TLN2: variants seen among roughly 807,000 people sequenced by gnomAD.
The protein encoded by TLN2 is talin-2.
Under a neutral mutation model 294.7 loss-of-function variants are expected in TLN2, and 118 were observed. The observed-to-expected ratio is 0.40, with a 90% CI of 0.34 to 0.47. The LOEUF is 0.47. TLN2 is among the 20% of genes least tolerant of loss of function. The pLI, the probability that TLN2 is intolerant of heterozygous loss-of-function variation, is 0.84. For synonymous variants in TLN2, 1,431 were observed against 1,304.5 expected, an observed-to-expected ratio of 1.10 and a Z score of -2.09; for missense variants, 3,083 against 3,282.2, an observed-to-expected ratio of 0.94 and a Z score of 1.48.
intron 5 of TLN2, 45 bp downstream of exon 5, chr15:62,650,226 G>A (rs777342302): frequency 1.9e-6 from 3 of 1,600,038 alleles, no homozygotes; most frequent in East Asian, 2.2e-5. Context: ...CTTTGTCCCT[G>A]GGCCTTCTTC....
intron 28 of TLN2, among the ~76,000 whole-genome samples, chr15:62,729,520 C>G (rs2060606387): frequency 6.7e-6 from 1 of 149,916 alleles, no homozygotes; most frequent in Non-Finnish European, 1.5e-5. Flanking sequence ...CTTCTTTTCT[C>G]TCAGTACAGT....
rs146565364 is a variant in TLN2, at chr15:62,819,587, G to T, written c.6843G>T (p.Val2281=). The change falls in exon 53 of 59, where the codon GTG becomes GTT. Residue 2281 remains valine, a synonymous_variant. Coordinates refer to ENST00000636159, the MANE Select transcript of TLN2 (RefSeq NM_015059.3). The part of the protein sequence containing the change: ...AAFSKRVAGA[V]TELIQAAEAM... ...TCTCCAAGCGAGTCGCCGGCGCTGT[G>T]ACAGAGCTCATCCAGGCGGCGGAAG... 4,259 of 1,612,896 alleles carry T rather than the reference G, an allele frequency of 2.6e-3. 8 individuals are homozygous for T. Among genetic ancestry groups the T allele is most frequent in the Non-Finnish European group, 3.3e-3 (3,861 of 1,180,024 alleles).
intron 24 of TLN2, among the ~76,000 whole-genome samples, chr15:62,718,583 GACTGAATGC>G (rs1287154541): frequency 2.0e-4 from 31 of 152,182 alleles, no homozygotes. Flanking sequence ...TGCTGTTGTG[GACTGAATGC>G]ACTCCAGGAA....
At chr15:62,616,046 T>C (rs1197327624) in intron 2 of TLN2, among the ~76,000 whole-genome samples, 2 of 152,232 alleles carry the variant, frequency 1.3e-5, no homozygotes, top group Non-Finnish European at 2.9e-5. Context: ...TGTTTTATTT[T>C]CTTAATAAGC....
intron 43 of TLN2, among the ~76,000 whole-genome samples, 185 bp from the exon 44 acceptor site, chr15:62,780,955 A>G (rs1186621994): frequency 2.0e-5 from 3 of 152,112 alleles, no homozygotes; most frequent in Admixed American, 6.5e-5. Flanking sequence ...CTTGCCATGT[A>G]CCCTGAATGC....
chr15:62,526,384 C>T (rs377016452), intron 1 of TLN2, among the ~76,000 whole-genome samples: 10 of 152,174 alleles, frequency 6.6e-5, no homozygotes, highest in Admixed American at 3.3e-4. Flanking sequence ...AACATTGGTA[C>T]ACTTCCTCTG....
chr15:62,588,423 G>A (rs940119027), intron 1 of TLN2, among the ~76,000 whole-genome samples: 8 of 151,340 alleles, frequency 5.3e-5, no homozygotes, highest in Non-Finnish European at 8.8e-5. Flanking sequence ...ATCACCTGAG[G>A]TCAGGAGTTC....
chr15:62,667,543 A>G (rs1430070439), intron 9 of TLN2, among the ~76,000 whole-genome samples: 3 of 152,152 alleles, frequency 2.0e-5, no homozygotes, highest in African/African-American at 7.2e-5. Context: ...CGCTCTCACA[A>G]ATGAGGCGAC....
At chr15:62,471,210 G>A (rs1455268564) in intron 1 of TLN2, among the ~76,000 whole-genome samples, 2 of 152,188 alleles carry the variant, frequency 1.3e-5, no homozygotes, top group Admixed American at 1.3e-4. Context: ...GATGGCGTGT[G>A]CCTGTAGTCC....
Position 62,809,337 on chromosome 15 carries a change from T to A in TLN2, c.6664-588T>A, listed in dbSNP as rs1414787152. ...TGTTAAGCATGTGTGCTGGTTTGTGTATCTCGACTTTTGTATAATATGAGA... is the reference window on the plus strand; with the variant it reads ...TGTTAAGCATGTGTGCTGGTTTGTGAATCTCGACTTTTGTATAATATGAGA... On this transcript the variant is annotated intron_variant, in intron 51 of 58. Transcript: ENST00000636159. Among the ~76,000 whole-genome samples, 3 of 152,306 alleles carry A rather than the reference T, an allele frequency of 2.0e-5. No individual in the cohort carries two copies. In the East Asian group the frequency reaches 5.8e-4, roughly 29 times the overall value.
rs67748452 is a variant in TLN2, at chr15:62,582,195, T to TACACACACACACACACACAC, written c.-237-7458_-237-7439dup. Among the ~76,000 whole-genome samples the TACACACACACACACACACAC allele has an allele frequency of 8.8e-3, 583 of 66,468 alleles. 38 individuals carry two copies. Among genetic ancestry groups the TACACACACACACACACACAC allele is most frequent in the East Asian group, 0.012 (14 of 1,182 alleles). The allele number at this position is 66,468 out of a possible 152,430, so 43.6% of individuals were successfully genotyped here. ...CATAACTTCAGTGCATGTGTATGCA[T>TACACACACACACACACACAC]ACACACACACACACACACACACACA... is the stretch of plus-strand genomic sequence containing the variant. On this transcript the variant is annotated intron_variant, in intron 1 of 58. Transcript: ENST00000636159.
chr15:62,659,635 ATTGAGT>A (rs982242031), intron 9 of TLN2, among the ~76,000 whole-genome samples: 3 of 152,194 alleles, frequency 2.0e-5, no homozygotes, highest in African/African-American at 4.8e-5. Flanking sequence ...AAGCAATTGC[ATTGAGT>A]TTGTTTCTTT....
chr15:62,489,751 C>G (rs1235755642), intron 1 of TLN2, among the ~76,000 whole-genome samples: 2 of 152,182 alleles, frequency 1.3e-5, no homozygotes, highest in Non-Finnish European at 2.9e-5. Context: ...TCTCCTTGTT[C>G]TCTCACGGAT....
At chr15:62,409,192 C>CT (rs959151420) in intron 1 of TLN2, among the ~76,000 whole-genome samples, 6 of 145,690 alleles carry the variant, frequency 4.1e-5, no homozygotes, top group East Asian at 2.1e-4. Flanking sequence ...TGGCCAGTCT[C>CT]TAACTCCTGA....
At chr15:62,584,609 C>T (rs960022631) in intron 1 of TLN2, among the ~76,000 whole-genome samples, 1 of 152,212 alleles carries the variant, frequency 6.6e-6, no homozygotes, top group African/African-American at 2.4e-5. Context: ...CTCATATCTT[C>T]TGACCTAGCA....
chr15:62,739,362 G>A lies in TLN2; in HGVS notation c.3702G>A (p.Thr1234=), dbSNP rs367811145. 2.7e-5 allele frequency: 43 copies of A among 1,613,454 alleles called. No individual in the cohort carries two copies. The highest frequency in any genetic ancestry group is 3.4e-5 in the Non-Finnish European group (40 of 1,179,776). Residue 1234 remains threonine (T), a synonymous_variant, in exon 31 of 59, where the codon ACG becomes ACA. Coordinates refer to ENST00000636159, the MANE Select transcript of TLN2 (RefSeq NM_015059.3). ...GTTCCCCACAGCTACCTCCAAGCAC[G>A]AAGCCTTTCCAGGAAGCCCAGAGTG... ...KLLVDSLPPS[T]KPFQEAQSEL...
Position 62,783,789 on chromosome 15 carries a change from A to G in TLN2, c.5635A>G (p.Asn1879Asp). 6.2e-7 allele frequency: 1 copy of G among 1,604,676 alleles called. No individual in the cohort carries two copies. Among genetic ancestry groups the G allele is most frequent in the Non-Finnish European group, 8.5e-7 (1 of 1,172,228 alleles). ...TTTCCAGATGACTAAGTCGGTTACTAACCCGGAGGAGTTGGGAGGACTGGC... is the reference window on the plus strand; with the variant it reads ...TTTCCAGATGACTAAGTCGGTTACTGACCCGGAGGAGTTGGGAGGACTGGC... Reference protein sequence around the residue: ...AQEMMTKSVTNPEELGGLASQ... With the variant: ...AQEMMTKSVTDPEELGGLASQ... The change falls in exon 45 of 59, where the codon AAC becomes GAC. Residue 1879 changes from asparagine (N) to aspartate (D), a missense_variant. Asn to Asp is a conservative substitution (Grantham distance 23, BLOSUM62 1). Transcript: ENST00000636159.
Position 62,719,810 on chromosome 15 carries a change from G to A in TLN2, c.2921G>A (p.Gly974Glu). The change falls in exon 25 of 59, where the codon GGG (glycine) becomes GAG (glutamate). Residue 974 changes from glycine to glutamate, a missense_variant. By Grantham distance (98) the Gly-to-Glu change is moderately conservative. Coordinates refer to ENST00000636159, the MANE Select transcript of TLN2 (RefSeq NM_015059.3). Reference protein sequence around the residue: ...HIPQLVQGVRGSQAQAEDLSA... With the variant: ...HIPQLVQGVRESQAQAEDLSA... The stretch of plus-strand genomic sequence containing the variant: ...CCTCAGCTGGTCCAGGGAGTGAGGG[G>A]GAGCCAAGCTCAAGCTGAAGACCTG... The A allele has an allele frequency of 6.2e-7, 1 of 1,611,940 alleles. No individual in the cohort carries two copies. Among genetic ancestry groups the A allele is most frequent in the African/African-American group, 1.3e-5 (1 of 74,952 alleles).
chr15:62,587,092 C>T (rs893472665), intron 1 of TLN2, among the ~76,000 whole-genome samples: 1 of 152,130 alleles, frequency 6.6e-6, no homozygotes, highest in Non-Finnish European at 1.5e-5. Flanking sequence ...ATCTTAGGGA[C>T]CCAAAGGCAG....
Sources: allele counts gnomAD v4.1 joint callset (sites outside exome capture counted in the v4.1 genomes callset), GRCh38; gene constraint gnomAD v4.1.1; transcripts MANE v1.5; gene names NCBI Gene and HGNC (gene_info 2026-07-23, HGNC 2026-07-21).